CNTN6: variants seen among roughly 807,000 people sequenced by gnomAD.
CNTN6 encodes contactin 6, also known as contactin-6.
A neutral mutation model predicts 122.8 loss-of-function variants in CNTN6; 137 were observed. That is an observed-to-expected ratio of 1.12 (90% CI 0.97 to 1.29). CNTN6 has a LOEUF of 1.29. CNTN6 is among the 50% of genes most tolerant of loss of function. The pLI is 0.00. For missense variants in CNTN6, 1,634 were observed against 1,223.4 expected, an observed-to-expected ratio of 1.34 and a Z score of -5.01; for synonymous variants, 570 against 426.0, an observed-to-expected ratio of 1.34 and a Z score of -4.16.
chr3:1,380,999 T>A (rs56908293), intron 17 of CNTN6, among the ~76,000 whole-genome samples: 1 of 152,010 alleles, frequency 6.6e-6, no homozygotes, highest in Non-Finnish European at 1.5e-5. Flanking sequence ...TTTGACTCTC[T>A]GTTGATGTAA....
At chr3:1,383,224 T>C in intron 18 of CNTN6, 48 bp downstream of exon 18, 1 of 1,591,750 alleles carries the variant, frequency 6.3e-7, no homozygotes. Flanking sequence ...ATGCATAGTT[T>C]GTGTTCCCTT....
At chr3:1,291,532 G>T (rs1695326783) in intron 5 of CNTN6, among the ~76,000 whole-genome samples, 1 of 152,162 alleles carries the variant, frequency 6.6e-6, no homozygotes, top group African/African-American at 2.4e-5. Flanking sequence ...CCACAAATAG[G>T]CATTGAATAA....
chr3:1,383,779 C>G (rs971984188), intron 19 of CNTN6, among the ~76,000 whole-genome samples: 3 of 152,208 alleles, frequency 2.0e-5, no homozygotes, highest in African/African-American at 7.2e-5. Context: ...CAGTTCTACA[C>G]TCATATTTAT....
At chr3:1,325,668 G>A in intron 8 of CNTN6, 147 bp from the exon 9 acceptor site, 1 of 652,946 alleles carries the variant, frequency 1.5e-6, no homozygotes, top group South Asian at 3.1e-5. Flanking sequence ...TGAAGCTCCT[G>A]CATGTCCCCT....
intron 3 of CNTN6, among the ~76,000 whole-genome samples, chr3:1,225,378 G>A (rs546394692): frequency 8.1e-4 from 123 of 152,264 alleles, no homozygotes; most frequent in Non-Finnish European, 1.4e-3. Flanking sequence ...TCATTGTACC[G>A]TAGTGATCAG....
intron 2 of CNTN6, among the ~76,000 whole-genome samples, chr3:1,202,791 A>G (rs2093904330): frequency 6.6e-6 from 1 of 152,186 alleles, no homozygotes; most frequent in South Asian, 2.1e-4. Flanking sequence ...AAAAATATTG[A>G]GTATGAGTCT....
In CNTN6 at chr3:1,382,980, A is replaced by C. The variant is rs147708438; in HGVS notation, c.2205A>C (p.Gly735=). The change falls in exon 18 of 23, where the codon GGA becomes GGC. Residue 735 remains glycine, a synonymous_variant. Coordinates refer to ENST00000446702, the MANE Select transcript of CNTN6 (RefSeq NM_001289080.2). The stretch of plus-strand genomic sequence containing the variant: ...AACTGCAGAATGGGGAGGGATTTGG[A>C]TATATCATCATGTTCCGGCCAGTGG... ...PEELQNGEGF[G]YIIMFRPVGS... 6 of 1,614,074 alleles carry C rather than the reference A, an allele frequency of 3.7e-6. No individual in the cohort carries two copies. The Admixed American group carries it at 1.0e-4, about 27-fold the overall frequency.
intron 1 of CNTN6, among the ~76,000 whole-genome samples, chr3:1,129,742 GT>G (rs1449263084): frequency 6.6e-6 from 1 of 152,032 alleles, no homozygotes; most frequent in East Asian, 1.9e-4. Flanking sequence ...GGAGGCACAT[GT>G]CTATAACTGA....
chr3:1,138,380 G>A (rs1460426376), intron 1 of CNTN6, among the ~76,000 whole-genome samples: 2 of 151,602 alleles, frequency 1.3e-5, no homozygotes, highest in Non-Finnish European at 2.9e-5. Context: ...TTGAATTGAA[G>A]GAAAGCCACT....
At chr3:1,401,388 T>C in intron 20 of CNTN6, 45 bp from the exon 21 acceptor site, 1 of 1,488,158 alleles carries the variant, frequency 6.7e-7, no homozygotes, top group South Asian at 1.2e-5. Context: ...ACTTTGACCA[T>C]GAGCTAATTA....
intron 2 of CNTN6, among the ~76,000 whole-genome samples, chr3:1,219,342 T>A (rs2125515149): frequency 6.6e-6 from 1 of 152,272 alleles, no homozygotes; most frequent in South Asian, 2.1e-4. Context: ...AATCGAATTG[T>A]AATGAAAGTG....
chr3:1,338,806 G>T (rs1039400348), intron 11 of CNTN6, among the ~76,000 whole-genome samples: 1 of 152,110 alleles, frequency 6.6e-6, no homozygotes, highest in Non-Finnish European at 1.5e-5. Context: ...TTTGAGAAAA[G>T]AAGTGGTTAC....
At chr3:1,387,686 C>G (rs143599468) in intron 20 of CNTN6, among the ~76,000 whole-genome samples, 1 of 152,064 alleles carries the variant, frequency 6.6e-6, no homozygotes, top group Admixed American at 6.6e-5. Context: ...AGACAGTGGG[C>G]GCAGGTCAGT....
chr3:1,139,715 C>G lies in CNTN6; in HGVS notation c.-82-8212C>G, dbSNP rs181569333. Among the ~76,000 whole-genome samples the G allele has an allele frequency of 1.2e-4, 18 of 152,208 alleles. 1 individual carries two copies. The East Asian group carries it at 2.1e-3, about 18-fold the overall frequency. On this transcript the variant is annotated intron_variant, in intron 1 of 22. Coordinates refer to ENST00000446702, the MANE Select transcript of CNTN6 (RefSeq NM_001289080.2). ...AGATTTGGAGAGACTCCAGGGATAC[C>G]TCATCATCAGAACAAATTTGTAGAA...
intron 2 of CNTN6, among the ~76,000 whole-genome samples, chr3:1,160,526 A>G (rs2093107049): frequency 6.6e-6 from 1 of 151,410 alleles, no homozygotes; most frequent in Admixed American, 6.6e-5. Context: ...TGAATCTTTT[A>G]CAGCCTGCCT....
At position 1,362,707 on chromosome 3, in the gene CNTN6, A is replaced by G. The variant is rs950764520; in HGVS notation, c.1493-9592A>G. 4.6e-5 allele frequency among the ~76,000 whole-genome samples: 7 copies of G among 152,182 alleles called. No homozygotes were observed. In the South Asian group the frequency reaches 1.4e-3, roughly 31 times the overall value. On this transcript the variant is annotated intron_variant, in intron 12 of 22. Coordinates refer to ENST00000446702, the MANE Select transcript of CNTN6 (RefSeq NM_001289080.2). ...ACATATATAAAATTGTTCCAAAAGG[A>G]GCAGAGAGGACAGAAAGAAAATTAG...
At chr3:1,212,260 T>TG (rs1468210583) in intron 2 of CNTN6, among the ~76,000 whole-genome samples, 2 of 150,180 alleles carry the variant, frequency 1.3e-5, no homozygotes, top group African/African-American at 4.9e-5. Context: ...TTGTTTTTTT[T>TG]TTTTTTTTTT....
chr3:1,387,482 A>G (rs1189365595), intron 20 of CNTN6, among the ~76,000 whole-genome samples: 1 of 152,216 alleles, frequency 6.6e-6, no homozygotes, highest in Non-Finnish European at 1.5e-5. Flanking sequence ...TCTCCAATCA[A>G]TCAGCAGTTT....
chr3:1,160,836 TGTTA>T (rs780394856), intron 2 of CNTN6, among the ~76,000 whole-genome samples: 13 of 152,184 alleles, frequency 8.5e-5, no homozygotes, highest in Middle Eastern at 3.4e-3. Flanking sequence ...GAAAGCTGAG[TGTTA>T]GTTTCAGGAA....
Sources: gnomAD v4.1 joint callset for allele counts (sites outside exome capture counted in the v4.1 genomes callset) on GRCh38, gnomAD v4.1.1 for gene constraint, MANE v1.5 for transcripts, NCBI Gene and HGNC (gene_info 2026-07-23, HGNC 2026-07-21) for gene names.